The following TAF1 variants were observed in gnomAD, a reference collection of about 807,000 sequenced individuals.
TAF1 encodes the protein transcription initiation factor TFIID subunit 1.
TAF1 carries 2 observed loss-of-function variants against 138.5 expected under a neutral mutation model. That is an observed-to-expected ratio of 0.01 (90% CI 0.01 to 0.05). The LOEUF is 0.05. Ranked by LOEUF, TAF1 falls within the 10% of genes least tolerant of loss-of-function variation. The probability of loss-of-function intolerance (pLI) is 1.00; values close to 1 mark genes in which losing one functional copy is unlikely to be tolerated. For missense variants in TAF1, 709 were observed against 1,478.0 expected, an observed-to-expected ratio of 0.48 and a Z score of 8.53; for synonymous variants, 437 against 503.2, an observed-to-expected ratio of 0.87 and a Z score of 1.76.
intron 36 of TAF1, among the ~76,000 whole-genome samples, chrX:71,460,100 C>A (rs2038484096): frequency 9.0e-6 from 1 of 111,530 alleles, no homozygotes; most frequent in Admixed American, 9.5e-5. Context: ...TAAAAATTAG[C>A]TGGGTGTGGT....
At chrX:71,492,459 C>A in intron 13 of TAF1, 1 of 128,511 alleles carries the variant, frequency 7.8e-6, no homozygotes. Context: ...TGCTGTTGGA[C>A]TTCTCCGCCT....
At chrX:71,419,825 C>T (rs769336754) in intron 28 of TAF1, among the ~76,000 whole-genome samples, 26 of 111,636 alleles carry the variant, frequency 2.3e-4, no homozygotes, top group African/African-American at 6.2e-4. Context: ...CTAGTTGAGA[C>T]GTGTCCATGG....
downstream of TAF1, among the ~76,000 whole-genome samples, chrX:71,466,983 G>A (rs1489193894): frequency 9.9e-6 from 1 of 101,327 alleles, no homozygotes; most frequent in African/African-American, 3.6e-5. Flanking sequence ...GACTCTTTAC[G>A]AAGTAGGAAC....
intron 32 of TAF1, among the ~76,000 whole-genome samples, chrX:71,429,168 G>A (rs903654227): frequency 9.1e-6 from 1 of 110,251 alleles, no homozygotes; most frequent in Non-Finnish European, 1.9e-5. Flanking sequence ...CCAGCTACTC[G>A]GGAGGCTGAG....
intron 32 of TAF1, among the ~76,000 whole-genome samples, chrX:71,429,100 C>T (rs1330609059): frequency 9.0e-6 from 1 of 110,560 alleles, no homozygotes; most frequent in East Asian, 2.8e-4. Context: ...ACAGTGAAAC[C>T]CCGTCTCTAC....
Position 71,463,887 on chromosome X carries a change from C to T in TAF1, c.5463C>T (p.Ile1821=), listed in dbSNP as rs56183755. 8 of 1,210,654 alleles carry T rather than the reference C, an allele frequency of 6.6e-6. No homozygotes were observed. The highest frequency in any genetic ancestry group is 7.8e-6 in the Non-Finnish European group (7 of 895,032). ...SNTQDTSFSS[I]GGYEVSEEEE... is the part of the protein sequence containing the mutation. ...CCCAAGACACAAGCTTCAGCAGCAT[C>T]GGTGGGTATGAGGTATCAGAGGAGG... The change falls in exon 38 of 38, where the codon ATC becomes ATT. Residue 1821 remains isoleucine (I), a synonymous_variant. Transcript: ENST00000423759.
chrX:71,425,009 A>G (rs2036531481), intron 32 of TAF1, among the ~76,000 whole-genome samples: 1 of 111,799 alleles, frequency 8.9e-6, no homozygotes, highest in African/African-American at 3.3e-5. Context: ...AAAAAGTAGT[A>G]TACGCTTACT....
intron 13 of TAF1, among the ~76,000 whole-genome samples, chrX:71,493,576 T>G (rs1350834463): frequency 8.9e-6 from 1 of 112,816 alleles, no homozygotes; most frequent in Non-Finnish European, 1.9e-5. Flanking sequence ...GGCGTTGTTC[T>G]GTAGAAGCGC....
At chrX:71,448,820 C>CTTTTTTTTTTT (rs760089481) in intron 32 of TAF1, among the ~76,000 whole-genome samples, 1 of 92,435 alleles carries the variant, frequency 1.1e-5, no homozygotes, top group African/African-American at 4.1e-5. Flanking sequence ...TTTTCTTTTT[C>CTTTTTTTTTTT]TTTTTTTTTT....
At chrX:71,488,558 G>A (rs941657699) in intron 13 of TAF1, among the ~76,000 whole-genome samples, 9 of 110,279 alleles carry the variant, frequency 8.2e-5, no homozygotes, top group Admixed American at 2.0e-4. Flanking sequence ...CCCAGCTGAA[G>A]ACTTAAGAGA....
chrX:71,498,765 G>A (rs1192671409), intron 13 of TAF1, among the ~76,000 whole-genome samples: 1 of 111,481 alleles, frequency 9.0e-6, no homozygotes, highest in Non-Finnish European at 1.9e-5. Context: ...CCCTAATAAG[G>A]GTGTGGGACT....
At chrX:71,457,415 T>C (rs1304367106) in intron 34 of TAF1, among the ~76,000 whole-genome samples, 4 of 112,735 alleles carry the variant, frequency 3.5e-5, no homozygotes, top group Non-Finnish European at 7.5e-5. Context: ...AGACACACTT[T>C]TAAAATGAAA....
At chrX:71,427,538 A>G (rs1214866310) in intron 32 of TAF1, among the ~76,000 whole-genome samples, 2 of 112,346 alleles carry the variant, frequency 1.8e-5, no homozygotes, top group African/African-American at 6.5e-5. Context: ...AAAAACCCAG[A>G]AGATACTAAT....
At chrX:71,452,458 C>T (rs1204512644) in intron 32 of TAF1, among the ~76,000 whole-genome samples, 2 of 107,436 alleles carry the variant, frequency 1.9e-5, no homozygotes, top group East Asian at 3.0e-4. Context: ...ACATCTCAGA[C>T]GATGGGCGGC....
chrX:71,490,731 C>CT (rs756329313), intron 13 of TAF1, among the ~76,000 whole-genome samples: 3,492 of 95,734 alleles, frequency 0.036, 165 homozygotes, highest in African/African-American at 0.12. Context: ...TTCATTTTCT[C>CT]TTTTTTTTTT....
In TAF1 at chrX:71,424,141, CT is replaced by C. The variant is rs1429423598; in HGVS notation, c.4669-9del. ...TGTGTGTGTATCTGAGTGCCTGATTCTTTTCATCACAGAACATCTCCAAGCA... is the reference window on the plus strand; with the variant it reads ...TGTGTGTGTATCTGAGTGCCTGATTCTTTCATCACAGAACATCTCCAAGCA... On this transcript the variant is annotated splice_polypyrimidine_tract_variant and intron_variant, in intron 31 of 37. Transcript: ENST00000423759. 1.7e-6 allele frequency: 2 copies of C among 1,206,244 alleles called. No homozygotes were observed. Among genetic ancestry groups the C allele is most frequent in the Admixed American group, 4.4e-5 (2 of 45,255 alleles).
chrX:71,385,663 G>C (rs2034171367), intron 14 of TAF1, among the ~76,000 whole-genome samples: 2 of 111,195 alleles, frequency 1.8e-5, no homozygotes, highest in African/African-American at 6.5e-5. Flanking sequence ...CTTATACCTA[G>C]TTTATTCTAC....
rs1357117849 is a variant in TAF1, at chrX:71,464,459, C to G, written c.*413C>G. The G allele has an allele frequency of 6.5e-6, 2 of 307,070 alleles. No homozygotes were observed. The highest frequency in any genetic ancestry group is 4.7e-5 in the East Asian group (1 of 21,194). 25.3% of individuals were successfully genotyped at this position (307,070 alleles called of 1,213,427 possible). A position where few individuals can be genotyped will look rare whatever the true frequency, so the allele number is the denominator to read the frequency against. ...GTGGCTCACACCTGTAATCTCAGCA[C>G]TCTGGGAGGCCGAGGCGGGCAGATC... On this transcript the variant is annotated 3_prime_UTR_variant, in exon 38 of 38. Transcript: ENST00000423759.
At position 71,407,963 on chromosome X, in the gene TAF1, C is replaced by T. The variant is rs772897916; in HGVS notation, c.4207-11C>T. ...TATTTGCTGATGTATGGTTCTGGCC[C>T]TTGTTTGCAGACATACCCTTTCCAC... On this transcript the variant is annotated splice_polypyrimidine_tract_variant and intron_variant, in intron 27 of 37. Coordinates refer to ENST00000423759, the MANE Select transcript of TAF1 (RefSeq NM_004606.5). The T allele has an allele frequency of 1.0e-5, 12 of 1,204,034 alleles. No homozygotes were observed. In the South Asian group the frequency reaches 1.8e-4, roughly 18 times the overall value.
Sources: gnomAD v4.1 joint callset for allele counts (sites outside exome capture counted in the v4.1 genomes callset) on GRCh38, gnomAD v4.1.1 for gene constraint, MANE v1.5 for transcripts, NCBI Gene and HGNC (gene_info 2026-07-23, HGNC 2026-07-21) for gene names.